The following SLC12A8 variants were observed in gnomAD, a reference collection of about 807,000 sequenced individuals.
The protein encoded by SLC12A8 is cation-chloride cotransporter 9.
SLC12A8 carries 69 observed loss-of-function variants against 75.6 expected under a neutral mutation model. The ratio of observed to expected loss-of-function variants is 0.91; its 90% CI spans 0.75 to 1.11. The LOEUF (loss-of-function observed/expected upper bound fraction) is 1.11, where lower values mean the gene tolerates loss of function less well. Among genes scored for constraint, SLC12A8 ranks in the 50% most tolerant of loss-of-function variants. The pLI is 0.00. For missense variants in SLC12A8, 877 were observed against 896.7 expected, an observed-to-expected ratio of 0.98 and a Z score of 0.28; for synonymous variants, 365 against 372.8, an observed-to-expected ratio of 0.98 and a Z score of 0.24.
In SLC12A8 at chr3:125,208,824, A is replaced by AGAGAGC. The variant is rs144988140; in HGVS notation, c.51+2474_51+2475insGCTCTC. 5.7e-3 allele frequency among the ~76,000 whole-genome samples: 722 copies of AGAGAGC among 126,768 alleles called. 8 individuals carry two copies. Among genetic ancestry groups the AGAGAGC allele is most frequent in the African/African-American group, 0.017 (508 of 30,642 alleles). The allele number at this position is 126,768 out of a possible 152,430, so 83.2% of individuals were successfully genotyped here. ...GAGAGAGAGAGAGAGAGAGAGAGAG[A>AGAGAGC]GCTACCCTATCTGGTCCTAAAATGA... is the stretch of plus-strand genomic sequence containing the variant. On this transcript the variant is annotated intron_variant, in intron 2 of 13. Transcript: ENST00000469902.
intron 2 of SLC12A8, among the ~76,000 whole-genome samples, chr3:125,195,563 A>C (rs1401809220): frequency 6.6e-6 from 1 of 151,850 alleles, no homozygotes; most frequent in Non-Finnish European, 1.5e-5. Context: ...GCTGGGGTTG[A>C]AATCTAGTCA....
chr3:125,196,267 C>G (rs189801920), intron 2 of SLC12A8, among the ~76,000 whole-genome samples: 2 of 152,104 alleles, frequency 1.3e-5, no homozygotes, highest in Non-Finnish European at 2.9e-5. Flanking sequence ...ATACTTAAAG[C>G]GGAAAAAGAA....
At chr3:125,194,101 G>A (rs890029411) in intron 2 of SLC12A8, among the ~76,000 whole-genome samples, 1 of 152,212 alleles carries the variant, frequency 6.6e-6, no homozygotes, top group African/African-American at 2.4e-5. Context: ...GAAAAGCAAG[G>A]GGCAAATCAA....
intron 4 of SLC12A8, among the ~76,000 whole-genome samples, chr3:125,184,844 C>A (rs58490484): frequency 0.063 from 9,575 of 151,774 alleles, 404 homozygotes; most frequent in East Asian, 0.2. Context: ...TCACCAAAAC[C>A]AATAATTAGT....
chr3:125,105,915 A>C (rs916208421), intron 10 of SLC12A8, among the ~76,000 whole-genome samples: 4 of 152,184 alleles, frequency 2.6e-5, no homozygotes, highest in South Asian at 2.1e-4. Flanking sequence ...CTGTAATCTC[A>C]GCTACTTGGG....
chr3:125,179,515 T>C, intron 4 of SLC12A8, among the ~76,000 whole-genome samples: 1 of 152,346 alleles, frequency 6.6e-6, no homozygotes, highest in African/African-American at 2.4e-5. Flanking sequence ...GAAAGGAGCT[T>C]GTGAACAAGG....
intron 12 of SLC12A8, among the ~76,000 whole-genome samples, chr3:125,090,416 TCTAA>T (rs1442815776): frequency 1.6e-4 from 24 of 152,266 alleles, no homozygotes; most frequent in African/African-American, 4.3e-4. Flanking sequence ...TAGAATGTTC[TCTAA>T]CTGTCAATTA....
intron 3 of SLC12A8, among the ~76,000 whole-genome samples, chr3:125,188,067 A>G (rs899584873): frequency 6.6e-6 from 1 of 152,092 alleles, no homozygotes; most frequent in Non-Finnish European, 1.5e-5. Context: ...GTGATCCCCA[A>G]TGTTGGAGGT....
intron 13 of SLC12A8, among the ~76,000 whole-genome samples, chr3:125,087,093 C>CTT (rs369422119): frequency 2.6e-4 from 34 of 131,250 alleles, no homozygotes; most frequent in African/African-American, 3.2e-4. Context: ...ATGTATTTCA[C>CTT]TTTTTTTTTT....
chr3:125,203,690 T>C (rs1935173900), intron 2 of SLC12A8, among the ~76,000 whole-genome samples: 1 of 152,226 alleles, frequency 6.6e-6, no homozygotes, highest in South Asian at 2.1e-4. Flanking sequence ...AAAGGTTTTA[T>C]GGCTAAGATT....
intron 7 of SLC12A8, chr3:125,119,253 A>G (rs11927069): frequency 0.14 from 22,073 of 157,382 alleles, 1,941 homozygotes; most frequent in Middle Eastern, 0.3. Context: ...GGGCATTCCG[A>G]GTAGGGAAGT....
intron 5 of SLC12A8, among the ~76,000 whole-genome samples, chr3:125,169,652 G>A (rs886240627): frequency 6.6e-5 from 10 of 152,170 alleles, no homozygotes; most frequent in African/African-American, 2.2e-4. Flanking sequence ...TGATGCAGCC[G>A]GGCATGTCCC....
At chr3:125,153,652 T>TTATA (rs1560069459) in intron 5 of SLC12A8, among the ~76,000 whole-genome samples, 1 of 128,644 alleles carries the variant, frequency 7.8e-6, no homozygotes, top group African/African-American at 2.8e-5. Context: ...ATTTATATAT[T>TTATA]TTTTGAGATG....
chr3:125,175,259 A>G (rs1934495405), intron 5 of SLC12A8, among the ~76,000 whole-genome samples: 1 of 152,192 alleles, frequency 6.6e-6, no homozygotes, highest in African/African-American at 2.4e-5. Context: ...ATGTCTATGT[A>G]TATGTCCTCA....
At chr3:125,171,936 A>AG (rs1283765787) in intron 5 of SLC12A8, among the ~76,000 whole-genome samples, 1 of 2,476 alleles carries the variant, frequency 4.0e-4, no homozygotes, top group African/African-American at 6.0e-4. Flanking sequence ...TAAAAAAAAA[A>AG]AAAGAAAATT....
chr3:125,119,627 ACACTC>A (rs1172139909), intron 7 of SLC12A8, among the ~76,000 whole-genome samples: 1 of 152,190 alleles, frequency 6.6e-6, no homozygotes, highest in Non-Finnish European at 1.5e-5. Context: ...TTCCTTCCCA[ACACTC>A]AACTCTATCT....
intron 7 of SLC12A8, 58 bp from the exon 8 acceptor site, chr3:125,118,914 C>T: frequency 2.6e-6 from 3 of 1,155,732 alleles, no homozygotes; most frequent in Non-Finnish European, 3.9e-6. Flanking sequence ...CAGCCCCATC[C>T]AATTCCCTCA....
At chr3:125,109,645 T>G (rs1370327838) in intron 9 of SLC12A8, among the ~76,000 whole-genome samples, 1 of 152,218 alleles carries the variant, frequency 6.6e-6, no homozygotes, top group African/African-American at 2.4e-5. Flanking sequence ...TCTATTTTAA[T>G]CATTCCAGCC....
At position 125,107,916 on chromosome 3, in the gene SLC12A8, C is replaced by T. The variant is rs766218616; in HGVS notation, c.1270G>A (p.Ala424Thr). 66 of 1,614,046 alleles carry T rather than the reference C, an allele frequency of 4.1e-5. No individual in the cohort carries two copies. The South Asian group carries it at 4.5e-4, about 11-fold the overall frequency. The change falls in exon 10 of 14, where the codon GCA (alanine) becomes ACA (threonine). Residue 424 changes from alanine (A) to threonine (T), a missense_variant. Physicochemically the swap from Ala to Thr is moderately conservative, Grantham distance 58. Coordinates refer to ENST00000469902, the MANE Select transcript of SLC12A8 (RefSeq NM_024628.6). ...TGCTCAGAGCAGTGGAGGCCTTCTG[C>T]GCCCTCCCTGAGCACCGGCTCAGGC... is the stretch of plus-strand genomic sequence containing the variant. ...PVPEPVLREG[A>T]EGLHCSEHLL...
Sources: gnomAD v4.1 joint callset for allele counts (sites outside exome capture counted in the v4.1 genomes callset) on GRCh38, gnomAD v4.1.1 for gene constraint, MANE v1.5 for transcripts, NCBI Gene and HGNC (gene_info 2026-07-23, HGNC 2026-07-21) for gene names.